The following MALRD1 variants were observed in gnomAD, a reference collection of about 807,000 sequenced individuals.
MALRD1 encodes the protein MAM and LDL receptor class A domain containing 1, also known as MAM and LDL-receptor class A domain-containing protein 1.
A neutral mutation model predicts 242.1 loss-of-function variants in MALRD1; 247 were observed. The observed-to-expected ratio is 1.02, with a 90% CI of 0.92 to 1.13. The LOEUF is 1.13. Ranked by LOEUF, MALRD1 falls within the 50% of genes most tolerant of loss-of-function variation. The pLI is 0.00. For missense variants in MALRD1, 2,989 were observed against 2,533.1 expected (o/e 1.18, Z -3.86); for synonymous variants, 995 against 866.6 (o/e 1.15, Z -2.60).
At chr10:19,413,914 G>C (rs1020356469) in intron 28 of MALRD1, among the ~76,000 whole-genome samples, 18 of 149,988 alleles carry the variant, frequency 1.2e-4, no homozygotes, top group Non-Finnish European at 4.4e-5. Flanking sequence ...TCGCACTACT[G>C]CACTCCAGCC....
At chr10:19,559,784 A>G (rs1835884545) in intron 32 of MALRD1, among the ~76,000 whole-genome samples, 1 of 152,184 alleles carries the variant, frequency 6.6e-6, no homozygotes, top group Non-Finnish European at 1.5e-5. Context: ...AGTTAAACAA[A>G]TTTACAAGAA....
In MALRD1 at chr10:19,506,474, C is replaced by T. The variant is rs116274977; in HGVS notation, c.5320+7828C>T. On this transcript the variant is annotated intron_variant, in intron 31 of 39. Transcript: ENST00000454679. ...GAATGAAAGCTATCAATCAGATGCACCTGTAGGAGGCATTGATTTGGAAGT... is the reference window on the plus strand; with the variant it reads ...GAATGAAAGCTATCAATCAGATGCATCTGTAGGAGGCATTGATTTGGAAGT... Among the ~76,000 whole-genome samples the T allele has an allele frequency of 1.3e-3, 205 of 152,028 alleles. 1 individual carries two copies. Among genetic ancestry groups the T allele is most frequent in the African/African-American group, 4.7e-3 (193 of 41,442 alleles).
intron 21 of MALRD1, among the ~76,000 whole-genome samples, chr10:19,298,322 G>A (rs1338375854): frequency 1.3e-5 from 2 of 151,548 alleles, no homozygotes; most frequent in African/African-American, 2.4e-5. Context: ...GATAATCAGC[G>A]CCCATGACCC....
At position 19,443,193 on chromosome 10, in the gene MALRD1, A is replaced by G. The variant is rs188435849; in HGVS notation, c.4846-7114A>G. Among the ~76,000 whole-genome samples the G allele has an allele frequency of 3.9e-3, 589 of 151,896 alleles. 4 individuals are homozygous for G. Among genetic ancestry groups the G allele is most frequent in the African/African-American group, 0.014 (565 of 41,432 alleles). ...CCTTTATCATTTTTTTATTGCATCT[A>G]TTTGATTCTTCTCTCTTTTCTTCTT... On this transcript the variant is annotated intron_variant, in intron 28 of 39. Transcript: ENST00000454679.
chr10:19,428,806 G>T (rs1404791506), intron 28 of MALRD1, among the ~76,000 whole-genome samples: 1 of 152,094 alleles, frequency 6.6e-6, no homozygotes, highest in Non-Finnish European at 1.5e-5. Context: ...GATGAAATTA[G>T]CTGTAGACTC....
intron 1 of MALRD1, among the ~76,000 whole-genome samples, chr10:19,058,999 T>G (rs1834745511): frequency 6.6e-6 from 1 of 152,186 alleles, no homozygotes; most frequent in African/African-American, 2.4e-5. Flanking sequence ...AATTTTACTT[T>G]TAGAAATTTA....
intron 4 of MALRD1, among the ~76,000 whole-genome samples, chr10:19,100,623 A>G (rs1836215791): frequency 6.6e-6 from 1 of 151,690 alleles, no homozygotes; most frequent in Non-Finnish European, 1.5e-5. Context: ...GAGTGAGATG[A>G]GAGCTCCAAT....
intron 28 of MALRD1, among the ~76,000 whole-genome samples, chr10:19,401,102 G>A (rs749291916): frequency 4.6e-5 from 7 of 152,020 alleles, no homozygotes; most frequent in Non-Finnish European, 1.0e-4. Flanking sequence ...GAGAAGCCTG[G>A]GATGTATTGA....
At chr10:19,144,231 C>G (rs562753642) in intron 10 of MALRD1, among the ~76,000 whole-genome samples, 1 of 152,168 alleles carries the variant, frequency 6.6e-6, no homozygotes. Context: ...ATGCTCAAGT[C>G]CCTGGAGAAC....
chr10:19,337,514 C>A (rs1242691712), intron 24 of MALRD1, among the ~76,000 whole-genome samples: 3 of 152,012 alleles, frequency 2.0e-5, no homozygotes, highest in South Asian at 2.1e-4. Flanking sequence ...TGTTGAACAT[C>A]TTTTCTTGAT....
chr10:19,244,323 A>G (rs76779939), intron 18 of MALRD1, among the ~76,000 whole-genome samples: 3,218 of 152,248 alleles, frequency 0.021, 53 homozygotes, highest in Middle Eastern at 0.037. Context: ...CTGTAAACTC[A>G]GTACTTTGGG....
chr10:19,582,334 T>C (rs928516174), intron 33 of MALRD1, among the ~76,000 whole-genome samples: 10 of 150,290 alleles, frequency 6.7e-5, no homozygotes, highest in Non-Finnish European at 1.2e-4. Context: ...TAGGTTTTCT[T>C]CTAGGGTTTT....
At chr10:19,468,177 A>G (rs1463572521) in intron 29 of MALRD1, among the ~76,000 whole-genome samples, 1 of 152,192 alleles carries the variant, frequency 6.6e-6, no homozygotes, top group East Asian at 1.9e-4. Context: ...TTATTCCTTA[A>G]TGGTTAATTA....
chr10:19,290,241 T>C (rs529383054), intron 21 of MALRD1: 1 of 152,338 alleles, frequency 6.6e-6, no homozygotes, highest in South Asian at 2.1e-4. Flanking sequence ...AGATTGCATC[T>C]TTATTTTTTA....
chr10:19,518,293 T>C (rs1314888891), intron 31 of MALRD1, among the ~76,000 whole-genome samples: 1 of 152,238 alleles, frequency 6.6e-6, no homozygotes, highest in African/African-American at 2.4e-5. Context: ...TTTAACAACA[T>C]TAACATGGCA....
chr10:19,530,446 AT>A (rs1834352043), intron 31 of MALRD1, among the ~76,000 whole-genome samples: 2 of 55,746 alleles, frequency 3.6e-5, no homozygotes, highest in Non-Finnish European at 1.1e-4. Context: ...ATAATATATA[AT>A]ATATAATATA....
chr10:19,162,676 G>A (rs762439563), intron 12 of MALRD1, among the ~76,000 whole-genome samples: 11 of 152,208 alleles, frequency 7.2e-5, no homozygotes, highest in Middle Eastern at 3.4e-3. Context: ...ATGCCGGCAA[G>A]GTTGTGGAGA....
rs1476431253 is a variant in MALRD1 at position 19,351,919 on chromosome 10, G to T, written c.4150-87G>T. 3 of 1,193,800 alleles carry T rather than the reference G, an allele frequency of 2.5e-6. No homozygotes were observed. The East Asian group carries it at 7.7e-5, about 31-fold the overall frequency. The allele number at this position is 1,193,800 out of a possible 1,614,324, so 74.0% of individuals were successfully genotyped here. On this transcript the variant is annotated intron_variant, in intron 25 of 39. Coordinates refer to ENST00000454679, the MANE Select transcript of MALRD1 (RefSeq NM_001142308.3). ...TTTCCTCCAGAAATCTGTTAATAAA[G>T]AAGAGGGCAATGTGATAGAATTGAA...
chr10:19,458,263 C>A (rs1835763700), intron 29 of MALRD1, among the ~76,000 whole-genome samples: 1 of 152,096 alleles, frequency 6.6e-6, no homozygotes, highest in Admixed American at 6.5e-5. Flanking sequence ...TAAATCCCTG[C>A]AAATATTGAT....
Sources: gnomAD v4.1 joint callset for allele counts (sites outside exome capture counted in the v4.1 genomes callset) on GRCh38, gnomAD v4.1.1 for gene constraint, MANE v1.5 for transcripts, NCBI Gene and HGNC (gene_info 2026-07-23, HGNC 2026-07-21) for gene names.